The following VDAC2 variants were observed in gnomAD, a reference collection of about 807,000 sequenced individuals.
VDAC2 encodes the protein voltage dependent anion channel 2, also known as non-selective voltage-gated ion channel VDAC2.
Under a neutral mutation model 36.6 loss-of-function variants are expected in VDAC2, and 6 were observed. The ratio of observed to expected loss-of-function variants is 0.16; its 90% CI spans 0.09 to 0.32. The LOEUF is 0.32. Among genes scored for constraint, VDAC2 ranks in the 10% least tolerant of loss-of-function variants. The pLI is 1.00. For missense variants in VDAC2, 247 were observed against 346.0 expected, an observed-to-expected ratio of 0.71 and a Z score of 2.27; for synonymous variants, 109 against 123.8, an observed-to-expected ratio of 0.88 and a Z score of 0.79.
intron 6 of VDAC2, among the ~76,000 whole-genome samples, chr10:75,220,372 G>A (rs1841775150): frequency 6.6e-6 from 1 of 152,148 alleles, no homozygotes; most frequent in Non-Finnish European, 1.5e-5. Context: ...GCCTCCCAAA[G>A]TGCTGAGATT....
At position 75,230,888 on chromosome 10, in the gene VDAC2, G is replaced by A. The variant is rs74146301; in HGVS notation, c.794-10G>A. The A allele has an allele frequency of 0.056, 89,943 of 1,607,216 alleles. 3,085 individuals are homozygous for A. Among genetic ancestry groups the A allele is most frequent in the African/African-American group, 0.14 (10,273 of 74,484 alleles). ...CGGTTTTTTGTTTTTGTGTTTTTTT[G>A]TCTTAATAGGTGTGAAGCTTACACT... On this transcript the variant is annotated splice_polypyrimidine_tract_variant and intron_variant, in intron 9 of 9. Transcript: ENST00000332211.
chr10:75,226,454 T>TG (rs1158966693), intron 8 of VDAC2, among the ~76,000 whole-genome samples: 2,288 of 143,514 alleles, frequency 0.016, 69 homozygotes, highest in African/African-American at 0.056. Context: ...TTTGTGGGTT[T>TG]TTTTTTTTTT....
intron 6 of VDAC2, among the ~76,000 whole-genome samples, chr10:75,220,526 T>C (rs764304722): frequency 2.7e-5 from 4 of 148,190 alleles, no homozygotes; most frequent in Non-Finnish European, 4.4e-5. Context: ...TTGTGACTGA[T>C]TGTTTGTTCT....
At chr10:75,229,550 C>A in intron 8 of VDAC2, 94 bp from the exon 9 acceptor site, 2 of 972,372 alleles carry the variant, frequency 2.1e-6, no homozygotes, top group South Asian at 1.6e-5. Context: ...GTGAATAAAA[C>A]TGAACACTTC....
At chr10:75,219,941 C>G (rs1186047962) in intron 6 of VDAC2, among the ~76,000 whole-genome samples, 1 of 151,504 alleles carries the variant, frequency 6.6e-6, no homozygotes, top group Non-Finnish European at 1.5e-5. Flanking sequence ...GATTCTCCTG[C>G]CTCAGCCTCC....
At chr10:75,226,582 C>T (rs1030460797) in intron 8 of VDAC2, among the ~76,000 whole-genome samples, 8 of 151,544 alleles carry the variant, frequency 5.3e-5, no homozygotes, top group African/African-American at 9.7e-5. Flanking sequence ...CGTGCCTCAG[C>T]CTACTTAGTA....
At chr10:75,226,056 G>A (rs781499495) in intron 8 of VDAC2, among the ~76,000 whole-genome samples, 1 of 152,148 alleles carries the variant, frequency 6.6e-6, no homozygotes, top group South Asian at 2.1e-4. Context: ...GCCTCCCAAA[G>A]TGCTGAGATT....
At chr10:75,221,103 T>A in intron 7 of VDAC2, 133 bp downstream of exon 7, 2 of 963,012 alleles carry the variant, frequency 2.1e-6, no homozygotes, top group Non-Finnish European at 3.0e-6. Flanking sequence ...TCTTGGTCAT[T>A]TCTAGGGTGC....
intron 3 of VDAC2, among the ~76,000 whole-genome samples, chr10:75,213,057 T>A (rs923930177): frequency 5.9e-5 from 9 of 152,114 alleles, no homozygotes; most frequent in African/African-American, 1.9e-4. Context: ...GTCCTAAATG[T>A]CTGTATTATG....
rs1841432184 is a variant in VDAC2 at position 75,211,796 on chromosome 10, C to T, written c.32-434C>T. 4 of 1,139,988 alleles carry T rather than the reference C, an allele frequency of 3.5e-6. No homozygotes were observed. In the East Asian group the frequency reaches 1.0e-4, roughly 29 times the overall value. The allele number at this position is 1,139,988 out of a possible 1,614,324, so 70.6% of individuals were successfully genotyped here. A position where few individuals can be genotyped will look rare whatever the true frequency, so the allele number is the denominator to read the frequency against. ...TCCCACTCCAGGGTGTTGGTTTTCC[C>T]CTCAGCGAAGATATTAAAGGACGTA... On this transcript the variant is annotated intron_variant, in intron 2 of 9. Transcript: ENST00000332211.
At position 75,217,388 on chromosome 10, in the gene VDAC2, A is replaced by G. The variant is rs76032222; in HGVS notation, c.151-1675A>G. 2.1e-4 allele frequency among the ~76,000 whole-genome samples: 32 copies of G among 152,186 alleles called. 2 individuals are homozygous for G. In the East Asian group the frequency reaches 5.6e-3, roughly 27 times the overall value. The stretch of plus-strand genomic sequence containing the variant: ...ACATGATCCAGTGCTTTTTTGTTTA[A>G]TTGGAAATGGAGTCTCACTCACTCC... On this transcript the variant is annotated intron_variant, in intron 4 of 9. Coordinates refer to ENST00000332211, the MANE Select transcript of VDAC2 (RefSeq NM_001391963.1).
In VDAC2 at chr10:75,212,288, C is replaced by T; in HGVS notation, c.90C>T (p.Asn30=). The part of the protein sequence containing the change: ...DLGKAARDIF[N]KGFGFGLVKL... ...GCAAAGCTGCCAGAGATATTTTCAA[C>T]AAAGGATTTGGTAAGAACCTTATTT... The change falls in exon 3 of 10, where the codon AAC becomes AAT. Residue 30 remains asparagine, a synonymous_variant. Coordinates refer to ENST00000332211, the MANE Select transcript of VDAC2 (RefSeq NM_001391963.1). 1.2e-6 allele frequency: 2 copies of T among 1,613,182 alleles called. No homozygotes were observed. The highest frequency in any genetic ancestry group is 8.5e-7 in the Non-Finnish European group (1 of 1,179,756).
At chr10:75,210,355 T>A (rs1034238087), upstream of VDAC2, 4 of 152,724 alleles carry the variant, frequency 2.6e-5, no homozygotes, top group African/African-American at 9.6e-5. Context: ...AACGCTCAGC[T>A]GACTCCCCGC....
chr10:75,229,756 T>C, intron 9 of VDAC2, 55 bp downstream of exon 9: 1 of 1,440,728 alleles, frequency 6.9e-7, no homozygotes, highest in Admixed American at 2.3e-5. Context: ...AATTTAGTTT[T>C]CATTCTTCAG....
Position 75,212,307 on chromosome 10 carries a change from C to T in VDAC2, c.100+9C>T. The T allele has an allele frequency of 3.1e-6, 5 of 1,608,542 alleles. No individual in the cohort carries two copies. The highest frequency in any genetic ancestry group is 8.5e-7 in the Non-Finnish European group (1 of 1,177,438). ...TTTCAACAAAGGATTTGGTAAGAAC[C>T]TTATTTTTAAAACGTTTTAGATAAA... On this transcript the variant is annotated intron_variant, in intron 3 of 9. Coordinates refer to ENST00000332211, the MANE Select transcript of VDAC2 (RefSeq NM_001391963.1).
At chr10:75,222,521 T>G in intron 8 of VDAC2, 119 bp downstream of exon 8, 1 of 1,356,914 alleles carries the variant, frequency 7.4e-7, no homozygotes, top group Non-Finnish European at 1.0e-6. Flanking sequence ...ACAGATAGAT[T>G]AGTTTTAGAT....
At position 75,219,336 on chromosome 10, in the gene VDAC2, T is replaced by G; in HGVS notation, c.336T>G (p.Thr112=). The stretch of plus-strand genomic sequence containing the variant: ...AAGGTTTGAAACTGACATTTGATAC[T>G]ACCTTCTCACCAAACACAGGGTAAG... ...ICQGLKLTFD[T]TFSPNTGKKS... Residue 112 remains threonine (T), a synonymous_variant, in exon 6 of 10, where the codon ACT becomes ACG. Transcript: ENST00000332211. 1 of 1,600,660 alleles carries G rather than the reference T, an allele frequency of 6.2e-7. No individual in the cohort carries two copies. Among genetic ancestry groups the G allele is most frequent in the Non-Finnish European group, 8.5e-7 (1 of 1,174,010 alleles).
At position 75,211,626 on chromosome 10, in the gene VDAC2, C is replaced by T. The variant is rs1268090694; in HGVS notation, c.31+437C>T. On this transcript the variant is annotated intron_variant, in intron 2 of 9. Transcript: ENST00000332211. ...GCTCAGATTGCCTGCCCTTAAGCAG[C>T]ACAGCATTGGCCGAGGACTTGAGAG... is the stretch of plus-strand genomic sequence containing the variant. 2.0e-5 allele frequency: 31 copies of T among 1,550,542 alleles called. No homozygotes were observed. The East Asian group carries it at 7.3e-4, about 37-fold the overall frequency.
upstream of VDAC2, chr10:75,210,598 C>G (rs1021448299): frequency 1.3e-5 from 2 of 152,282 alleles, no homozygotes; most frequent in African/African-American, 4.8e-5. Context: ...TGAGGCTGCC[C>G]GGATAGCTGC....
Sources: gnomAD v4.1 joint callset for allele counts (sites outside exome capture counted in the v4.1 genomes callset) on GRCh38, gnomAD v4.1.1 for gene constraint, MANE v1.5 for transcripts, NCBI Gene and HGNC (gene_info 2026-07-23, HGNC 2026-07-21) for gene names.